Variants in ZC3H14 observed in about 807,000 individuals in gnomAD.
ZC3H14 encodes zinc finger CCCH domain-containing protein 14.
A neutral mutation model predicts 92.4 loss-of-function variants in ZC3H14; 31 were observed. The ratio of observed to expected loss-of-function variants is 0.34; its 90% CI spans 0.25 to 0.45. The LOEUF is 0.45. Ranked by LOEUF, ZC3H14 falls within the 20% of genes least tolerant of loss-of-function variation. The pLI is 1.00. For missense variants in ZC3H14, 781 were observed against 897.3 expected (o/e 0.87, Z 1.66); for synonymous variants, 321 against 300.9 (o/e 1.07, Z -0.69).
At chr14:88,578,947 G>T (rs1396647094) in intron 9 of ZC3H14, among the ~76,000 whole-genome samples, 3 of 151,482 alleles carry the variant, frequency 2.0e-5, no homozygotes, top group African/African-American at 7.3e-5. Flanking sequence ...TTGGACTTTT[G>T]GTGTCTGTTA....
chr14:88,611,597 GAATT>G lies in ZC3H14; in HGVS notation c.2205-146_2205-143del, dbSNP rs905928001. 76 of 853,664 alleles carry G rather than the reference GAATT, an allele frequency of 8.9e-5. No individual in the cohort carries two copies. In the African/African-American group the frequency reaches 1.0e-3, roughly 11 times the overall value. The allele number at this position is 853,664 out of a possible 1,614,324, so 52.9% of individuals were successfully genotyped here. On this transcript the variant is annotated intron_variant, in intron 16 of 16. Coordinates refer to ENST00000251038, the MANE Select transcript of ZC3H14 (RefSeq NM_024824.5). The stretch of plus-strand genomic sequence containing the variant: ...TATCTTTTATCTACCTGACATAATT[GAATT>G]ATTTTTAAAAATCTGCCATTTATAT...
intron 9 of ZC3H14, among the ~76,000 whole-genome samples, chr14:88,581,373 G>A (rs1182840178): frequency 2.0e-5 from 3 of 152,004 alleles, no homozygotes; most frequent in East Asian, 3.9e-4. Flanking sequence ...AGCCTGGCCA[G>A]TGTGGTGAAA....
At position 88,615,149 on chromosome 14, in the gene ZC3H14, C is replaced by G. The variant is rs962426624; in HGVS notation, c.*3398C>G. ...GGCATCTGAACATAAACTGATGGCTCGAAAATGAAAATGGAAATGTAGCAG... is the reference window on the plus strand; with the variant it reads ...GGCATCTGAACATAAACTGATGGCTGGAAAATGAAAATGGAAATGTAGCAG... On this transcript the variant is annotated 3_prime_UTR_variant, in exon 17 of 17. Transcript: ENST00000251038. 1 of 151,900 alleles carries G rather than the reference C, an allele frequency of 6.6e-6. No homozygotes were observed. Among genetic ancestry groups the G allele is most frequent in the Admixed American group, 6.6e-5 (1 of 15,242 alleles). The allele number at this position is 151,900 out of a possible 1,614,324, so 9.4% of individuals were successfully genotyped here. A position where few individuals can be genotyped will look rare whatever the true frequency, so the allele number is the denominator to read the frequency against.
At chr14:88,594,746 T>A in intron 9 of ZC3H14, 1 of 1,614,040 alleles carries the variant, frequency 6.2e-7, no homozygotes, top group Non-Finnish European at 8.5e-7. Context: ...TCTTCAAAGT[T>A]TCCATCACCA....
rs2089658891 is a variant in ZC3H14, at chr14:88,624,755, A to G, written c.*13004A>G. On this transcript the variant is annotated 3_prime_UTR_variant, in exon 17 of 17. Coordinates refer to ENST00000251038, the MANE Select transcript of ZC3H14 (RefSeq NM_024824.5). ...ACAACTACCTATCCACACCTCAGAA[A>G]AAGTATCACCCCAACATGAAAAAAA... The G allele has an allele frequency of 7.4e-6, 4 of 540,014 alleles. No individual in the cohort carries two copies. The East Asian group carries it at 1.3e-4, about 18-fold the overall frequency. 33.5% of individuals were successfully genotyped at this position (540,014 alleles called of 1,614,324 possible).
chr14:88,611,189 T>C (rs987015185), intron 16 of ZC3H14, among the ~76,000 whole-genome samples: 3 of 152,170 alleles, frequency 2.0e-5, no homozygotes, highest in Non-Finnish European at 2.9e-5. Context: ...GCAGTCACAC[T>C]ATCATAGCTC....
chr14:88,578,559 T>G (rs372139276), intron 9 of ZC3H14, among the ~76,000 whole-genome samples: 24 of 152,300 alleles, frequency 1.6e-4, no homozygotes, highest in African/African-American at 5.5e-4. Context: ...TTAGTTATTA[T>G]CAGAATTTTG....
intron 9 of ZC3H14, among the ~76,000 whole-genome samples, chr14:88,595,866 A>G (rs1223203194): frequency 2.6e-5 from 4 of 152,184 alleles, no homozygotes; most frequent in Admixed American, 2.0e-4. Flanking sequence ...AGTATTTGCA[A>G]CCCTATCAGT....
intron 1 of ZC3H14, chr14:88,563,421 C>T: frequency 1.4e-6 from 2 of 1,427,630 alleles, no homozygotes; most frequent in Non-Finnish European, 1.8e-6. Flanking sequence ...GCCACCACCG[C>T]GGCGCACGGC....
Position 88,567,995 on chromosome 14 carries a change from G to A in ZC3H14, c.80-44G>A, listed in dbSNP as rs757755341. On this transcript the variant is annotated intron_variant, in intron 2 of 16. Transcript: ENST00000251038. ...CAAGCACATCAACTTTAAGAAGAAA[G>A]TTTTGAGGAAACAAAGTTTTGATCT... 5.2e-6 allele frequency: 8 copies of A among 1,534,256 alleles called. No homozygotes were observed. In the East Asian group the frequency reaches 1.4e-4, roughly 26 times the overall value.
In ZC3H14 at chr14:88,607,276, C is replaced by G. The variant is rs1327552149; in HGVS notation, c.1781C>G (p.Pro594Arg). 1 of 1,613,906 alleles carries G rather than the reference C, an allele frequency of 6.2e-7. No homozygotes were observed. The highest frequency in any genetic ancestry group is 8.5e-7 in the Non-Finnish European group (1 of 1,179,986). ...EMSELSVAQK[P>R]EKLLERCKYW... ...AGTGAACTGAGTGTGGCACAGAAAC[C>G]AGAAAAACTTTTGGAGCGCTGCAAG... The change falls in exon 13 of 17, where the codon CCA (proline) becomes CGA (arginine). Residue 594 changes from proline to arginine, a missense_variant. Transcript: ENST00000251038.
At chr14:88,596,882 C>T (rs879769685) in intron 10 of ZC3H14, 74 bp downstream of exon 10, 13 of 1,241,528 alleles carry the variant, frequency 1.0e-5, no homozygotes, top group African/African-American at 4.4e-5. Flanking sequence ...CCCCATTTAA[C>T]GTATCTCGGA....
chr14:88,572,003 T>G, intron 4 of ZC3H14, 27 bp from the exon 5 acceptor site: 1 of 1,532,412 alleles, frequency 6.5e-7, no homozygotes, highest in Non-Finnish European at 8.9e-7. Flanking sequence ...TAAAAATAGA[T>G]TAAAAGGACT....
chr14:88,607,440 C>G (rs1161580699), intron 13 of ZC3H14, 77 bp downstream of exon 13: 2 of 1,512,360 alleles, frequency 1.3e-6, no homozygotes, highest in Non-Finnish European at 1.8e-6. Flanking sequence ...CATCCCCCAT[C>G]TCACCTGGCA....
rs2088742068 is a variant in ZC3H14 at position 88,620,730 on chromosome 14, A to G, written c.*8979A>G. 1 of 1,528,652 alleles carries G rather than the reference A, an allele frequency of 6.5e-7. No individual in the cohort carries two copies. The allele number at this position is 1,528,652 out of a possible 1,614,324, so 94.7% of individuals were successfully genotyped here. ...AAGTTAAATCAAGTATATACTAGAA[A>G]CTCTATTCCATTTGTTCACTAACCT... On this transcript the variant is annotated 3_prime_UTR_variant, in exon 17 of 17. Transcript: ENST00000251038. This position sits in a 1 kb window ranked among gnomAD's most constrained non-coding sequence, Gnocchi z 4.3.
At chr14:88,564,312 A>C (rs555093523) in intron 2 of ZC3H14, among the ~76,000 whole-genome samples, 1 of 152,078 alleles carries the variant, frequency 6.6e-6, no homozygotes, top group Non-Finnish European at 1.5e-5. Context: ...TTGAGTGTTT[A>C]CTCTGGGTCA....
chr14:88,573,390 GA>G (rs759822644), intron 6 of ZC3H14, among the ~76,000 whole-genome samples: 1 of 151,300 alleles, frequency 6.6e-6, no homozygotes, highest in South Asian at 2.1e-4. Flanking sequence ...AACCAAAAAA[GA>G]AAAAACAAAA....
intron 13 of ZC3H14, chr14:88,608,642 C>T (rs2086009318): frequency 5.8e-6 from 1 of 173,336 alleles, no homozygotes; most frequent in Non-Finnish European, 1.2e-5. Context: ...GTAACTGCCC[C>T]AGTTTGTATG....
chr14:88,588,244 C>T (rs545634758), intron 9 of ZC3H14, among the ~76,000 whole-genome samples: 6 of 152,288 alleles, frequency 3.9e-5, no homozygotes, highest in Non-Finnish European at 5.9e-5. Flanking sequence ...CATCCCGAGG[C>T]GCCCTCCTCC....
Sources: gnomAD v4.1 joint callset for allele counts (sites outside exome capture counted in the v4.1 genomes callset) on GRCh38, gnomAD v4.1.1 for gene constraint, Gnocchi (gnomAD v3.1) non-coding constraint, MANE v1.5 for transcripts, NCBI Gene and HGNC (gene_info 2026-07-23, HGNC 2026-07-21) for gene names.